The following COPB2 variants were observed in gnomAD, a reference collection of about 807,000 sequenced individuals.
The protein encoded by COPB2 is coat protein complex I subunit beta 2.
Under a neutral mutation model 120.8 loss-of-function variants are expected in COPB2, and 16 were observed. The ratio of observed to expected loss-of-function variants is 0.13; its 90% CI spans 0.09 to 0.20. The LOEUF is 0.20. COPB2 is among the 10% of genes least tolerant of loss of function. The pLI is 1.00. For missense variants in COPB2, 794 were observed against 1,076.5 expected (o/e 0.74, Z 3.67); for synonymous variants, 332 against 366.3 (o/e 0.91, Z 1.07).
Position 139,383,361 on chromosome 3 carries a change from T to C in COPB2, c.78A>G (p.Thr26=), listed in dbSNP as rs1941850281. The part of the protein sequence containing the change: ...DRVKSVDLHP[T]EPWMLASLYN... ...AAAGACTTGCCAACATCCATGGCTC[T>C]GTAGGATGCAGATCCACACTCTTAA... The change falls in exon 2 of 22, where the codon ACA becomes ACG. Residue 26 remains threonine (T), a synonymous_variant. Transcript: ENST00000333188. 1 of 1,613,544 alleles carries C rather than the reference T, an allele frequency of 6.2e-7. No individual in the cohort carries two copies. The highest frequency in any genetic ancestry group is 8.5e-7 in the Non-Finnish European group (1 of 1,179,832).
intron 1 of COPB2, among the ~76,000 whole-genome samples, chr3:139,387,499 T>C (rs552463692): frequency 6.6e-6 from 1 of 152,320 alleles, no homozygotes; most frequent in South Asian, 2.1e-4. Context: ...AAGACCTTTC[T>C]AGTTACCCTA....
chr3:139,378,289 A>G (rs1941752740), intron 4 of COPB2, 100 bp from the exon 5 acceptor site: 2 of 1,087,046 alleles, frequency 1.8e-6, no homozygotes, highest in Non-Finnish European at 2.5e-6. Flanking sequence ...CAAACCATAT[A>G]ATCCATGACT....
chr3:139,378,198 A>G lies in COPB2; in HGVS notation c.356-9T>C. 6.5e-7 allele frequency: 1 copy of G among 1,532,394 alleles called. No individual in the cohort carries two copies. Among genetic ancestry groups the G allele is most frequent in the Non-Finnish European group, 8.9e-7 (1 of 1,122,908 alleles). The allele number at this position is 1,532,394 out of a possible 1,614,324, so 94.9% of individuals were successfully genotyped here. A position where few individuals can be genotyped will look rare whatever the true frequency, so the allele number is the denominator to read the frequency against. Reference sequence around the variant, plus strand: ...CTTAATAAGCATGTCATCTAGGCCAAAAGAAAGTCTCAAGTTAGTTGTAAT... The same window carrying G: ...CTTAATAAGCATGTCATCTAGGCCAGAAGAAAGTCTCAAGTTAGTTGTAAT... On this transcript the variant is annotated splice_polypyrimidine_tract_variant and intron_variant, in intron 4 of 21. Transcript: ENST00000333188.
chr3:139,360,890 T>G (rs1023459323), intron 17 of COPB2, among the ~76,000 whole-genome samples, 191 bp downstream of exon 17: 2 of 152,196 alleles, frequency 1.3e-5, no homozygotes, highest in African/African-American at 4.8e-5. Context: ...CTCAAACATT[T>G]AGATAGATGT....
At chr3:139,387,813 G>T (rs1188559382) in intron 1 of COPB2, among the ~76,000 whole-genome samples, 1 of 152,126 alleles carries the variant, frequency 6.6e-6, no homozygotes, top group Non-Finnish European at 1.5e-5. Context: ...TGTAAAACAG[G>T]AATATTATTA....
Position 139,373,753 on chromosome 3 carries a change from A to G in COPB2, c.807T>C (p.Tyr269=), listed in dbSNP as rs1246064130. The G allele has an allele frequency of 5.0e-6, 8 of 1,614,002 alleles. No individual in the cohort carries two copies. Among genetic ancestry groups the G allele is most frequent in the South Asian group, 1.1e-5 (1 of 91,086 alleles). The change falls in exon 8 of 22, where the codon TAT becomes TAC. Residue 269 remains tyrosine (Y), a synonymous_variant. Coordinates refer to ENST00000333188, the MANE Select transcript of COPB2 (RefSeq NM_004766.3). Reference sequence around the variant, plus strand: ...CCACGCACCATACCCTCTCCATTCCATAATTCAGTGTGCTCTCAAGCCGGT... The same window carrying G: ...CCACGCACCATACCCTCTCCATTCCGTAATTCAGTGTGCTCTCAAGCCGGT... ...STYRLESTLN[Y]GMERVWCVAS...
At chr3:139,377,916 C>A in intron 5 of COPB2, 125 bp downstream of exon 5, 1 of 881,132 alleles carries the variant, frequency 1.1e-6, no homozygotes, top group Non-Finnish European at 1.6e-6. Flanking sequence ...CCTATTTTGA[C>A]TTCAAAACAG....
Position 139,369,377 on chromosome 3 carries a change from A to C in COPB2, c.1295-10T>G. 6.2e-7 allele frequency: 1 copy of C among 1,610,560 alleles called. No homozygotes were observed. The highest frequency in any genetic ancestry group is 8.5e-7 in the Non-Finnish European group (1 of 1,178,658). ...AAGCCGCCGTAGATACCTAAAGGGAACATAAAAAGAGTTTTGCTTAGGCAT... is the reference window on the plus strand; with the variant it reads ...AAGCCGCCGTAGATACCTAAAGGGACCATAAAAAGAGTTTTGCTTAGGCAT... On this transcript the variant is annotated splice_polypyrimidine_tract_variant and intron_variant, in intron 11 of 21. Coordinates refer to ENST00000333188, the MANE Select transcript of COPB2 (RefSeq NM_004766.3).
At chr3:139,370,097 G>A (rs932350127) in intron 10 of COPB2, among the ~76,000 whole-genome samples, 3 of 152,150 alleles carry the variant, frequency 2.0e-5, no homozygotes, top group Non-Finnish European at 2.9e-5. Context: ...GAGACAAGGG[G>A]ATTTTGCGGG....
intron 17 of COPB2, among the ~76,000 whole-genome samples, chr3:139,360,765 G>A (rs1379562895): frequency 1.3e-5 from 2 of 152,154 alleles, no homozygotes; most frequent in Non-Finnish European, 2.9e-5. Context: ...TACTAGAGCA[G>A]CTCAATAGCC....
chr3:139,379,259 C>CTATGA, intron 3 of COPB2, 86 bp from the exon 4 acceptor site: 2 of 1,552,250 alleles, frequency 1.3e-6, no homozygotes, highest in Admixed American at 1.8e-5. Context: ...GGAATAAAGT[C>CTATGA]TATGCCTCAA....
intron 9 of COPB2, among the ~76,000 whole-genome samples, chr3:139,372,428 A>G (rs1336479028): frequency 6.6e-6 from 1 of 152,240 alleles, no homozygotes. Context: ...TGTTTATAAC[A>G]CTGTAAAGGC....
intron 16 of COPB2, among the ~76,000 whole-genome samples, chr3:139,361,613 AT>A (rs1235397365): frequency 6.6e-6 from 1 of 152,258 alleles, no homozygotes; most frequent in Admixed American, 6.5e-5. Context: ...GACTGCAATT[AT>A]TTTAACAAGT....
intron 1 of COPB2, among the ~76,000 whole-genome samples, chr3:139,385,702 A>G (rs1363593582): frequency 6.6e-6 from 1 of 152,248 alleles, no homozygotes; most frequent in East Asian, 1.9e-4. Context: ...TTTTCAAGCC[A>G]AATTCTTCCT....
At chr3:139,358,431 C>CA (rs1941335972) in intron 20 of COPB2, 160 bp from the exon 21 acceptor site, 4 of 669,450 alleles carry the variant, frequency 6.0e-6, no homozygotes, top group African/African-American at 3.6e-5. Context: ...GTAATCCCAG[C>CA]ACTTTGGGAG....
At position 139,389,618 on chromosome 3, in the gene COPB2, C is replaced by T. The variant is rs1942016032; in HGVS notation, c.-68G>A. ...CTACTCAGGCCTTGAGATAAACCCA[C>T]CGATCCACTGACCGTCAGACTGACT... On this transcript the variant is annotated 5_prime_UTR_variant, in exon 1 of 22. The change creates a new upstream start codon in the 5' untranslated region. Transcript: ENST00000333188. 6.8e-7 allele frequency: 1 copy of T among 1,469,118 alleles called. No individual in the cohort carries two copies. Among genetic ancestry groups the T allele is most frequent in the Admixed American group, 1.9e-5 (1 of 53,270 alleles). 91.0% of individuals were successfully genotyped at this position (1,469,118 alleles called of 1,614,324 possible).
At chr3:139,384,092 C>A (rs1045656849) in intron 1 of COPB2, among the ~76,000 whole-genome samples, 1 of 152,080 alleles carries the variant, frequency 6.6e-6, no homozygotes, top group Non-Finnish European at 1.5e-5. Flanking sequence ...TGAAATTCTT[C>A]GAAATTCGAG....
chr3:139,389,621 A>G lies in COPB2; in HGVS notation c.-71T>C. 6.9e-7 allele frequency: 1 copy of G among 1,457,398 alleles called. No individual in the cohort carries two copies. Among genetic ancestry groups the G allele is most frequent in the South Asian group, 1.2e-5 (1 of 81,274 alleles). The allele number at this position is 1,457,398 out of a possible 1,614,324, so 90.3% of individuals were successfully genotyped here. ...CTCAGGCCTTGAGATAAACCCACCG[A>G]TCCACTGACCGTCAGACTGACTGAC... On this transcript the variant is annotated 5_prime_UTR_variant, in exon 1 of 22. Coordinates refer to ENST00000333188, the MANE Select transcript of COPB2 (RefSeq NM_004766.3).
intron 10 of COPB2, 121 bp downstream of exon 10, chr3:139,371,602 C>G: frequency 1.3e-6 from 1 of 759,706 alleles, no homozygotes. Context: ...ATGGACAGCT[C>G]TGGTGAGAAC....
Sources: gnomAD v4.1 joint callset for allele counts (sites outside exome capture counted in the v4.1 genomes callset) on GRCh38, gnomAD v4.1.1 for gene constraint, MANE v1.5 for transcripts, NCBI Gene and HGNC (gene_info 2026-07-23, HGNC 2026-07-21) for gene names.